Variants in MFSD1 observed in about 807,000 individuals in gnomAD.
The protein encoded by MFSD1 is major facilitator superfamily domain containing 1.
MFSD1 carries 59 observed loss-of-function variants against 67.1 expected under a neutral mutation model. That is an observed-to-expected ratio of 0.88 (90% CI 0.71 to 1.09). The LOEUF (loss-of-function observed/expected upper bound fraction) is 1.09. MFSD1 is among the 50% of genes least tolerant of loss of function. MFSD1 has a pLI of 0.00. For missense variants in MFSD1, 552 were observed against 566.1 expected (o/e 0.97, Z 0.25); for synonymous variants, 213 against 200.3 (o/e 1.06, Z -0.54).
intron 10 of MFSD1, 116 bp downstream of exon 10, chr3:158,821,769 C>A: frequency 9.8e-7 from 1 of 1,019,488 alleles, no homozygotes; most frequent in Non-Finnish European, 1.5e-6. Context: ...AAGTGCGAAA[C>A]TGGGACTACA....
At chr3:158,824,485 C>T in intron 13 of MFSD1, 1 of 407,406 alleles carries the variant, frequency 2.5e-6, no homozygotes, top group Non-Finnish European at 4.4e-6. Flanking sequence ...AAGCATTTTC[C>T]CACTTAAAGT....
chr3:158,803,036 C>A (rs985207363), intron 1 of MFSD1, among the ~76,000 whole-genome samples: 1 of 152,130 alleles, frequency 6.6e-6, no homozygotes, highest in African/African-American at 2.4e-5. Context: ...TCTTAATCTT[C>A]CACTCTGCCA....
At position 158,816,224 on chromosome 3, in the gene MFSD1, G is replaced by A. The variant is rs184013878; in HGVS notation, c.652+2157G>A. ...TCTAGTTCTAGATCCCTGAGGAATC[G>A]CCACACCGACTTCCACGATGGTTGA... On this transcript the variant is annotated intron_variant, in intron 7 of 15. Coordinates refer to ENST00000415822, the MANE Select transcript of MFSD1 (RefSeq NM_022736.4). Among the ~76,000 whole-genome samples, 121 of 151,756 alleles carry A rather than the reference G, an allele frequency of 8.0e-4. No individual in the cohort carries two copies. The East Asian group carries it at 0.012, about 16-fold the overall frequency.
At chr3:158,802,511 A>T (rs1729510791) in intron 1 of MFSD1, 196 bp downstream of exon 1, 1 of 754,726 alleles carries the variant, frequency 1.3e-6, no homozygotes, top group Non-Finnish European at 2.3e-6. Context: ...CCGCGTCCGG[A>T]ACGTGGAGGT....
At chr3:158,804,194 C>A in intron 1 of MFSD1, 125 bp from the exon 2 acceptor site, 1 of 602,242 alleles carries the variant, frequency 1.7e-6, no homozygotes, top group Non-Finnish European at 2.8e-6. Flanking sequence ...GGAAGTGGTT[C>A]AGAAATATTT....
intron 7 of MFSD1, among the ~76,000 whole-genome samples, chr3:158,818,531 A>T (rs987114484): frequency 1.3e-5 from 2 of 152,096 alleles, no homozygotes; most frequent in Admixed American, 6.6e-5. Context: ...CCAGTCTCTA[A>T]TTAAACCACT....
At position 158,824,133 on chromosome 3, in the gene MFSD1, C is replaced by T; in HGVS notation, c.1185C>T (p.Ser395=). The T allele has an allele frequency of 1.9e-6, 3 of 1,609,954 alleles. No individual in the cohort carries two copies. The highest frequency in any genetic ancestry group is 2.5e-6 in the Non-Finnish European group (3 of 1,177,906). The change falls in exon 13 of 16, where the codon TCC becomes TCT. Residue 395 remains serine (S), a synonymous_variant. Transcript: ENST00000415822. ...QLGTAYGFMQ[S]IQNLGLAIIS... is the part of the protein sequence containing the mutation. Reference sequence around the variant, plus strand: ...ATTTCTTCCATTGTAGCATGCAGTCCATTCAGAATCTTGGGTTGGCCATCA... The same window carrying T: ...ATTTCTTCCATTGTAGCATGCAGTCTATTCAGAATCTTGGGTTGGCCATCA...
chr3:158,824,982 A>G (rs1287970272), intron 13 of MFSD1, among the ~76,000 whole-genome samples: 1 of 152,214 alleles, frequency 6.6e-6, no homozygotes, highest in Non-Finnish European at 1.5e-5. Flanking sequence ...AAGTTTTAAA[A>G]ATAAATGTTT....
intron 11 of MFSD1, chr3:158,822,889 A>G (rs1024029120): frequency 6.5e-6 from 1 of 154,960 alleles, no homozygotes; most frequent in Non-Finnish European, 1.4e-5. Context: ...ATCTTTGCCA[A>G]TCTGATAGTT....
intron 2 of MFSD1, among the ~76,000 whole-genome samples, chr3:158,804,592 A>G (rs1254803329): frequency 6.6e-6 from 1 of 152,174 alleles, no homozygotes; most frequent in East Asian, 1.9e-4. Context: ...ATTGTTTCAG[A>G]CCTTAGATAA....
chr3:158,826,600 A>G (rs1337495612), intron 14 of MFSD1, among the ~76,000 whole-genome samples: 2 of 151,492 alleles, frequency 1.3e-5, no homozygotes, highest in Non-Finnish European at 2.9e-5. Flanking sequence ...ATTTAGTAGA[A>G]TATAATATAT....
chr3:158,816,615 A>G (rs1225454710), intron 7 of MFSD1, among the ~76,000 whole-genome samples: 1 of 150,742 alleles, frequency 6.6e-6, no homozygotes, highest in Admixed American at 6.6e-5. Context: ...GTTCACTCTG[A>G]TGGTAGTTTC....
At position 158,828,032 on chromosome 3, in the gene MFSD1, G is replaced by T. The variant is rs541990765; in HGVS notation, c.1394+695G>T. Among the ~76,000 whole-genome samples the T allele has an allele frequency of 2.6e-5, 4 of 151,602 alleles. No individual in the cohort carries two copies. The South Asian group carries it at 8.3e-4, about 32-fold the overall frequency. ...TTATTGGAGGAAAGGCCTTCGTCCTGAGGTCCTGGACTGGGCTTACCCTTC... is the reference window on the plus strand; with the variant it reads ...TTATTGGAGGAAAGGCCTTCGTCCTTAGGTCCTGGACTGGGCTTACCCTTC... On this transcript the variant is annotated intron_variant, in intron 15 of 15. Coordinates refer to ENST00000415822, the MANE Select transcript of MFSD1 (RefSeq NM_022736.4).
intron 13 of MFSD1, among the ~76,000 whole-genome samples, chr3:158,825,544 T>C (rs1730922920): frequency 1.3e-5 from 2 of 152,256 alleles, no homozygotes; most frequent in African/African-American, 4.8e-5. Context: ...TCTTGATTGA[T>C]TTGAGTCTAA....
In MFSD1 at chr3:158,823,427, G is replaced by A; in HGVS notation, c.1078-1G>A. 6.2e-7 allele frequency: 1 copy of A among 1,608,992 alleles called. No homozygotes were observed. The highest frequency in any genetic ancestry group is 8.5e-7 in the Non-Finnish European group (1 of 1,175,350). ...GACCTTTTCTGCGTTGCTTTCTGTA[G>A]TGTCTTCTGGGACTCTCCTACTCAT... is the stretch of plus-strand genomic sequence containing the variant. On this transcript the variant is annotated splice_acceptor_variant, in intron 11 of 15. Coordinates refer to ENST00000415822, the MANE Select transcript of MFSD1 (RefSeq NM_022736.4). LOFTEE classifies it high-confidence loss of function.
intron 13 of MFSD1, chr3:158,825,105 G>A (rs1730896991): frequency 6.6e-6 from 1 of 151,964 alleles, no homozygotes; most frequent in Admixed American, 6.6e-5. Flanking sequence ...CATGTATTTG[G>A]GTCTCAAAGC....
intron 6 of MFSD1, among the ~76,000 whole-genome samples, chr3:158,811,507 A>G (rs1005121727): frequency 6.6e-6 from 1 of 152,206 alleles, no homozygotes; most frequent in Non-Finnish European, 1.5e-5. Context: ...TGTTGAAAGA[A>G]AAGAGATGAT....
chr3:158,806,996 T>G (rs1270258807), intron 3 of MFSD1, 44 bp from the exon 4 acceptor site: 1 of 1,518,888 alleles, frequency 6.6e-7, no homozygotes, highest in East Asian at 2.3e-5. Flanking sequence ...AGATTTTTTT[T>G]TTCTTTTTCT....
At chr3:158,807,578 T>G in intron 5 of MFSD1, 115 bp downstream of exon 5, 1 of 791,850 alleles carries the variant, frequency 1.3e-6, no homozygotes, top group South Asian at 1.6e-5. Flanking sequence ...CTTTGAAACC[T>G]AGCTTCATAT....
Sources: allele counts gnomAD v4.1 joint callset (sites outside exome capture counted in the v4.1 genomes callset), GRCh38; gene constraint gnomAD v4.1.1; transcripts MANE v1.5; gene names NCBI Gene and HGNC (gene_info 2026-07-23, HGNC 2026-07-21).